The following NAA15 variants were observed in gnomAD, a reference collection of about 807,000 sequenced individuals.
NAA15 encodes the protein N-alpha-acetyltransferase 15, NatA auxiliary subunit.
Under a neutral mutation model 114.0 loss-of-function variants are expected in NAA15, and 34 were observed. The observed-to-expected ratio is 0.30, with a 90% CI of 0.23 to 0.40. NAA15 has a LOEUF of 0.40. Among genes scored for constraint, NAA15 ranks in the 10% least tolerant of loss-of-function variants. NAA15 has a pLI of 1.00. For missense variants in NAA15, 658 were observed against 1,004.5 expected, an observed-to-expected ratio of 0.66 and a Z score of 4.66; for synonymous variants, 340 against 338.0, an observed-to-expected ratio of 1.01 and a Z score of -0.06.
chr4:139,317,757 T>A (rs1197420144), intron 1 of NAA15, among the ~76,000 whole-genome samples: 1 of 152,224 alleles, frequency 6.6e-6, no homozygotes, highest in South Asian at 2.1e-4. Context: ...TTTGTATAAT[T>A]GGATAATTGG....
intron 4 of NAA15, among the ~76,000 whole-genome samples, chr4:139,341,879 G>A (rs1747412116): frequency 6.6e-6 from 1 of 151,694 alleles, no homozygotes; most frequent in Non-Finnish European, 1.5e-5. Context: ...GTGCCACCAT[G>A]CCCAGCTCAT....
intron 1 of NAA15, among the ~76,000 whole-genome samples, chr4:139,315,075 G>T (rs147333833): frequency 0.23 from 28,997 of 128,856 alleles, 5,059 homozygotes; most frequent in African/African-American, 0.34. Context: ...GTTTAGTTTA[G>T]TTTTTGAGAC....
chr4:139,335,030 A>T, intron 2 of NAA15, among the ~76,000 whole-genome samples: 1 of 152,178 alleles, frequency 6.6e-6, no homozygotes, highest in South Asian at 2.1e-4. Context: ...ATTTAAATTT[A>T]TCTCTCTGCT....
intron 9 of NAA15, 74 bp downstream of exon 9, chr4:139,351,685 A>G (rs1265242823): frequency 6.2e-6 from 5 of 808,852 alleles, no homozygotes; most frequent in Non-Finnish European, 8.6e-6. Context: ...ATTCTTGATT[A>G]TCTCTGCACA....
At chr4:139,301,994 C>T (rs1745783250) in intron 1 of NAA15, 163 bp downstream of exon 1, 2 of 665,430 alleles carry the variant, frequency 3.0e-6, no homozygotes, top group Non-Finnish European at 4.8e-6. Context: ...CTCTGTGGTT[C>T]CTACTATGGC....
rs779219026 is a variant in NAA15, at chr4:139,344,264, T to C, written c.616T>C (p.Tyr206His). The C allele has an allele frequency of 6.2e-7, 1 of 1,613,132 alleles. No individual in the cohort carries two copies. The highest frequency in any genetic ancestry group is 1.1e-5 in the South Asian group (1 of 91,002). ...QNQVLREAGL[Y>H]REALEHLCTY... Reference sequence around the variant, plus strand: ...TCAAGTTCTTCGGGAAGCAGGTCTCTATAGAGAAGCTTTGGAACATCTTTG... The same window carrying C: ...TCAAGTTCTTCGGGAAGCAGGTCTCCATAGAGAAGCTTTGGAACATCTTTG... The change falls in exon 6 of 20, where the codon TAT becomes CAT. Residue 206 changes from tyrosine (Y) to histidine (H), a missense_variant. Physicochemically the swap from Tyr to His is moderately conservative, Grantham distance 83. Coordinates refer to ENST00000296543, the MANE Select transcript of NAA15 (RefSeq NM_057175.5).
At chr4:139,346,924 G>T (rs375091375) in intron 6 of NAA15, among the ~76,000 whole-genome samples, 2 of 152,112 alleles carry the variant, frequency 1.3e-5, no homozygotes, top group East Asian at 1.9e-4. Flanking sequence ...GTGTAGAGGG[G>T]AGTAAAGGTG....
At chr4:139,352,683 TTGA>T in intron 9 of NAA15, among the ~76,000 whole-genome samples, 1 of 149,428 alleles carries the variant, frequency 6.7e-6, no homozygotes, top group African/African-American at 2.5e-5. Flanking sequence ...TTTTTTTTTT[TTGA>T]GACGGAGTTT....
intron 1 of NAA15, among the ~76,000 whole-genome samples, chr4:139,320,506 C>T (rs1175735571): frequency 1.3e-5 from 2 of 151,900 alleles, no homozygotes; most frequent in African/African-American, 2.4e-5. Flanking sequence ...AATGTTTCCC[C>T]GGGTTTTTTA....
chr4:139,337,290 G>C (rs943523834), intron 3 of NAA15, among the ~76,000 whole-genome samples: 1 of 152,180 alleles, frequency 6.6e-6, no homozygotes, highest in African/African-American at 2.4e-5. Flanking sequence ...ATAGTGGTAG[G>C]TGGTGGGTCT....
At chr4:139,341,593 CAAAAAA>C (rs751688160) in intron 4 of NAA15, among the ~76,000 whole-genome samples, 1 of 14,426 alleles carries the variant, frequency 6.9e-5, no homozygotes, top group African/African-American at 2.5e-4. Flanking sequence ...AACTCTGTCT[CAAAAAA>C]AAAAAAAAAA....
At chr4:139,319,300 T>C (rs1168987279) in intron 1 of NAA15, among the ~76,000 whole-genome samples, 1 of 151,804 alleles carries the variant, frequency 6.6e-6, no homozygotes, top group Non-Finnish European at 1.5e-5. Flanking sequence ...TAGAGATGGG[T>C]TTTCAACACG....
chr4:139,342,903 A>G lies in NAA15; in HGVS notation c.480A>G (p.Leu160=). 6.2e-7 allele frequency: 1 copy of G among 1,612,860 alleles called. No individual in the cohort carries two copies. The highest frequency in any genetic ancestry group is 8.5e-7 in the Non-Finnish European group (1 of 1,178,856). ...TTGGTTATGCTATTGCTTACCATTT[A>G]TTAGAAGATTATGAAATGGCAGCAA... ...SWIGYAIAYH[L]LEDYEMAAKI... is the part of the protein sequence containing the mutation. Residue 160 remains leucine, a synonymous_variant, in exon 5 of 20, where the codon TTA becomes TTG. Transcript: ENST00000296543.
Position 139,304,831 on chromosome 4 carries a change from A to C in NAA15, c.54+3000A>C, listed in dbSNP as rs940903997. 2.6e-5 allele frequency among the ~76,000 whole-genome samples: 4 copies of C among 152,024 alleles called. No individual in the cohort carries two copies. In the East Asian group the frequency reaches 5.8e-4, roughly 22 times the overall value. On this transcript the variant is annotated intron_variant, in intron 1 of 19. Transcript: ENST00000296543. Reference sequence around the variant, plus strand: ...TTGCCCTTTTAGAACCACATCCATTATCTCTCCCACCGCCCTCCCATCCCC... The same window carrying C: ...TTGCCCTTTTAGAACCACATCCATTCTCTCTCCCACCGCCCTCCCATCCCC...
At chr4:139,379,951 A>G (rs1311715258) in intron 17 of NAA15, among the ~76,000 whole-genome samples, 1 of 152,190 alleles carries the variant, frequency 6.6e-6, no homozygotes, top group African/African-American at 2.4e-5. Flanking sequence ...AGGGTGAGGC[A>G]GGAGAATCGC....
At chr4:139,335,864 A>G (rs892162856) in intron 2 of NAA15, among the ~76,000 whole-genome samples, 4 of 151,826 alleles carry the variant, frequency 2.6e-5, no homozygotes, top group African/African-American at 9.7e-5. Context: ...GGTTCAAGCA[A>G]TTCTTGTGCC....
chr4:139,368,386 G>A (rs761081411), intron 14 of NAA15, among the ~76,000 whole-genome samples: 2 of 152,096 alleles, frequency 1.3e-5, no homozygotes, highest in African/African-American at 2.4e-5. Flanking sequence ...GACCAGCCTC[G>A]TCAACATAGT....
intron 4 of NAA15, among the ~76,000 whole-genome samples, chr4:139,342,486 T>G (rs1017589089): frequency 1.3e-5 from 2 of 150,870 alleles, no homozygotes; most frequent in East Asian, 3.9e-4. Context: ...TGTGTTTTTT[T>G]TTTTTTTTTT....
At chr4:139,365,632 G>A (rs1272992680) in intron 14 of NAA15, among the ~76,000 whole-genome samples, 3 of 152,046 alleles carry the variant, frequency 2.0e-5, no homozygotes, top group African/African-American at 7.2e-5. Context: ...GAGTCCAGGA[G>A]TCCGAGACCA....
Sources: gnomAD v4.1 joint callset for allele counts (sites outside exome capture counted in the v4.1 genomes callset) on GRCh38, gnomAD v4.1.1 for gene constraint, MANE v1.5 for transcripts, NCBI Gene and HGNC (gene_info 2026-07-23, HGNC 2026-07-21) for gene names.